Variants in MGARP observed in about 807,000 individuals in gnomAD.
The protein encoded by MGARP is protein MGARP.
A neutral mutation model predicts 11.0 loss-of-function variants in MGARP; 12 were observed. The observed-to-expected ratio is 1.09, with a 90% CI of 0.70 to 1.77. The LOEUF is 1.77. Among genes scored for constraint, MGARP ranks in the 40% most tolerant of loss-of-function variants. The probability of loss-of-function intolerance (pLI) is 0.00; values close to 1 mark genes in which losing one functional copy is unlikely to be tolerated. For missense variants in MGARP, 283 were observed against 297.8 expected (o/e 0.95, Z 0.36); for synonymous variants, 110 against 115.4 (o/e 0.95, Z 0.30).
chr4:139,278,679 T>C (rs1308964554), intron 1 of MGARP, among the ~76,000 whole-genome samples: 1 of 152,148 alleles, frequency 6.6e-6, no homozygotes, highest in African/African-American at 2.4e-5. Context: ...AGAGGACTAA[T>C]CTTTCTCCCC....
At chr4:139,269,774 T>C (rs1433749168) in intron 2 of MGARP, among the ~76,000 whole-genome samples, 1 of 152,106 alleles carries the variant, frequency 6.6e-6, no homozygotes, top group Non-Finnish European at 1.5e-5. Flanking sequence ...GAAAATGATA[T>C]AAAAAATGAA....
chr4:139,271,964 G>T (rs1199162057), intron 2 of MGARP, among the ~76,000 whole-genome samples: 2 of 152,132 alleles, frequency 1.3e-5, no homozygotes, highest in East Asian at 3.9e-4. Context: ...TTTGGCACTG[G>T]TACATATTAA....
intron 2 of MGARP, among the ~76,000 whole-genome samples, chr4:139,273,884 C>G (rs1428604422): frequency 6.6e-6 from 1 of 152,128 alleles, no homozygotes; most frequent in Non-Finnish European, 1.5e-5. Flanking sequence ...TGACTCAAGT[C>G]TTAACTTACT....
chr4:139,278,403 A>G (rs527987208), intron 1 of MGARP, among the ~76,000 whole-genome samples: 3 of 152,348 alleles, frequency 2.0e-5, no homozygotes, highest in Admixed American at 6.5e-5. Context: ...TCCAATCAAT[A>G]ATAGTTCTTA....
At chr4:139,272,579 A>AG (rs2110731559) in intron 2 of MGARP, among the ~76,000 whole-genome samples, 1 of 146,550 alleles carries the variant, frequency 6.8e-6, no homozygotes, top group East Asian at 2.0e-4. Flanking sequence ...AAAAAAAAAA[A>AG]ATTCTGAGGA....
chr4:139,279,992 C>T (rs565716189), intron 1 of MGARP, 85 bp downstream of exon 1: 222 of 1,465,940 alleles, frequency 1.5e-4, no homozygotes, highest in Admixed American at 3.4e-4. Flanking sequence ...GTTTGGCCAA[C>T]TGGGTGCCGG....
chr4:139,277,393 G>C (rs115291076), intron 1 of MGARP, among the ~76,000 whole-genome samples: 1 of 152,100 alleles, frequency 6.6e-6, no homozygotes, highest in Admixed American at 6.5e-5. Context: ...AGAGGTTATC[G>C]CTTTGACTTG....
At chr4:139,273,999 T>A (rs1286098457) in intron 2 of MGARP, among the ~76,000 whole-genome samples, 1 of 152,170 alleles carries the variant, frequency 6.6e-6, no homozygotes, top group Non-Finnish European at 1.5e-5. Flanking sequence ...GGAAGGAAAA[T>A]ATGCTTTTCA....
intron 2 of MGARP, among the ~76,000 whole-genome samples, chr4:139,269,708 G>T (rs1241390962): frequency 6.6e-6 from 1 of 151,458 alleles, no homozygotes; most frequent in African/African-American, 2.4e-5. Context: ...GACAAAATGT[G>T]CAGGCTTCCT....
At chr4:139,276,009 T>C (rs1655947643) in intron 1 of MGARP, among the ~76,000 whole-genome samples, 1 of 152,142 alleles carries the variant, frequency 6.6e-6, no homozygotes, top group African/African-American at 2.4e-5. Flanking sequence ...TATAAACTAA[T>C]AGAAACAGAT....
chr4:139,270,632 A>C (rs1365316963), intron 2 of MGARP, among the ~76,000 whole-genome samples: 1 of 151,866 alleles, frequency 6.6e-6, no homozygotes, highest in Non-Finnish European at 1.5e-5. Flanking sequence ...AAAAAAGAAA[A>C]GAAAATCTAT....
Position 139,280,164 on chromosome 4 carries a change from C to T in MGARP, c.-6G>A, listed in dbSNP as rs1045426968. On this transcript the variant is annotated 5_prime_UTR_variant, in exon 1 of 4. Transcript: ENST00000398955. ...ACCGCCCTGCGGAGATACATCGCGC[C>T]CGCTGTCCGCCGCGCAGCAGCCTCG... is the stretch of plus-strand genomic sequence containing the variant. 3 of 1,604,978 alleles carry T rather than the reference C, an allele frequency of 1.9e-6. No homozygotes were observed. The highest frequency in any genetic ancestry group is 2.7e-5 in the African/African-American group (2 of 74,530).
Position 139,280,117 on chromosome 4 carries a change from C to G in MGARP, c.42G>C (p.Pro14=). 1.2e-6 allele frequency: 2 copies of G among 1,611,976 alleles called. No homozygotes were observed. Among genetic ancestry groups the G allele is most frequent in the African/African-American group, 2.7e-5 (2 of 75,032 alleles). Residue 14 remains proline (P), a synonymous_variant, in exon 1 of 4, where the codon CCG becomes CCC. Transcript: ENST00000398955. ...GCGCGGGGTTGGGGGGCGCCCTCAG[C>G]GGCAGCGCCAGAGTCTTGGAGACCG... The part of the protein sequence containing the change: ...RRAVSKTLAL[P]LRAPPNPAPL...
chr4:139,279,012 G>A (rs1744915590), intron 1 of MGARP, among the ~76,000 whole-genome samples: 1 of 152,106 alleles, frequency 6.6e-6, no homozygotes, highest in South Asian at 2.1e-4. Flanking sequence ...TTTCTCTCCT[G>A]CTGGAATCCA....
chr4:139,267,155 T>A, intron 3 of MGARP, 114 bp from the exon 4 acceptor site: 1 of 997,180 alleles, frequency 1.0e-6, no homozygotes. Context: ...TGTGTAACAG[T>A]CTTCAAGGTA....
In MGARP at chr4:139,266,538, C is replaced by A; in HGVS notation, c.*61G>T. ...TTTTTTAAACTAAGTGTACTAAAAA[C>A]ACAAAAGCACTTATCAGACACCCTA... On this transcript the variant is annotated 3_prime_UTR_variant, in exon 4 of 4. Coordinates refer to ENST00000398955, the MANE Select transcript of MGARP (RefSeq NM_032623.4). 6 of 1,404,972 alleles carry A rather than the reference C, an allele frequency of 4.3e-6. No homozygotes were observed. Among genetic ancestry groups the A allele is most frequent in the Non-Finnish European group, 4.8e-6 (5 of 1,044,470 alleles). The allele number at this position is 1,404,972 out of a possible 1,614,324, so 87.0% of individuals were successfully genotyped here.
intron 1 of MGARP, among the ~76,000 whole-genome samples, chr4:139,279,708 A>C (rs554321568): frequency 3.3e-5 from 5 of 152,314 alleles, no homozygotes; most frequent in African/African-American, 1.2e-4. Flanking sequence ...AAAAGTGGTA[A>C]GCTGCGACTT....
chr4:139,276,220 A>G (rs778479543), intron 1 of MGARP, among the ~76,000 whole-genome samples: 1 of 152,228 alleles, frequency 6.6e-6, no homozygotes, highest in Non-Finnish European at 1.5e-5. Context: ...CTGAGCATCT[A>G]CTACGTATTT....
At chr4:139,271,154 ATATTAAGTATT>A (rs926589526) in intron 2 of MGARP, among the ~76,000 whole-genome samples, 5 of 152,186 alleles carry the variant, frequency 3.3e-5, no homozygotes, top group African/African-American at 1.2e-4. Flanking sequence ...TTTACAAATG[ATATTAAGTATT>A]TATTAAGTAT....
Sources: allele counts gnomAD v4.1 joint callset (sites outside exome capture counted in the v4.1 genomes callset), GRCh38; gene constraint gnomAD v4.1.1; transcripts MANE v1.5; gene names NCBI Gene and HGNC (gene_info 2026-07-23, HGNC 2026-07-21).